Variants in ARHGAP27 observed in about 807,000 individuals in gnomAD.
The protein encoded by ARHGAP27 is Rho GTPase activating protein 27.
A neutral mutation model predicts 102.0 loss-of-function variants in ARHGAP27; 53 were observed. The observed-to-expected ratio is 0.52, with a 90% CI of 0.42 to 0.65. The LOEUF is 0.65. Among genes scored for constraint, ARHGAP27 ranks in the 30% least tolerant of loss-of-function variants. The pLI is 0.00. For missense variants in ARHGAP27, 1,117 were observed against 1,256.2 expected (o/e 0.89, Z 1.68); for synonymous variants, 525 against 542.8 (o/e 0.97, Z 0.46).
chr17:45,403,517 C>G (rs1235280350), intron 11 of ARHGAP27, 102 bp downstream of exon 11: 1 of 1,017,746 alleles, frequency 9.8e-7, no homozygotes, highest in African/African-American at 1.6e-5. Flanking sequence ...CACCACTACA[C>G]TCCAGCCTGG....
At chr17:45,421,936 CAG>C in intron 4 of ARHGAP27, among the ~76,000 whole-genome samples, 1 of 152,110 alleles carries the variant, frequency 6.6e-6, no homozygotes, top group Admixed American at 6.5e-5. Flanking sequence ...GAGGGTGAGG[CAG>C]GTGGATCACT....
chr17:45,405,166 G>A, intron 5 of ARHGAP27, 60 bp from the exon 6 acceptor site: 1 of 1,504,132 alleles, frequency 6.6e-7, no homozygotes, highest in South Asian at 1.3e-5. Context: ...TGCTGGCCCT[G>A]CCGTTTTGGA....
At chr17:45,429,219 C>G in intron 4 of ARHGAP27, 1 of 416,996 alleles carries the variant, frequency 2.4e-6, no homozygotes, top group South Asian at 4.0e-5. Context: ...ATGGGGCACA[C>G]ACCTGCAGTA....
rs760697658 is a variant in ARHGAP27 at position 45,395,621 on chromosome 17, G to T, written c.2505C>A (p.His835Gln). ...GCACCGACATGCGGTTCTGCTCGCC[G>T]TGCTCGATCACCCTGTGGCAGGGGT... ...LFQHLCRVIE[H>Q]GEQNRMSVQS... The change falls in exon 20 of 20, where the codon CAC (histidine) becomes CAA (glutamine). Residue 835 changes from histidine to glutamine, a missense_variant. Physicochemically the swap from His to Gln is conservative, Grantham distance 24 (BLOSUM62 0). Transcript: ENST00000685559. 5.6e-6 allele frequency: 9 copies of T among 1,605,516 alleles called. No homozygotes were observed. The East Asian group carries it at 2.0e-4, about 36-fold the overall frequency.
chr17:45,412,999 T>A (rs868319686), intron 4 of ARHGAP27, among the ~76,000 whole-genome samples: 2 of 121,076 alleles, frequency 1.7e-5, no homozygotes, highest in Admixed American at 8.7e-5. Flanking sequence ...TTTTTTTTTT[T>A]AATGGAGTCT....
In ARHGAP27 at chr17:45,397,931, G is replaced by T; in HGVS notation, c.1842+18C>A. The T allele has an allele frequency of 6.3e-7, 1 of 1,593,804 alleles. No homozygotes were observed. The highest frequency in any genetic ancestry group is 8.6e-7 in the Non-Finnish European group (1 of 1,165,706). ...CACCCCCTCCCCACTGCCCCTAGAG[G>T]CCCTGGGCTCTGCTTACCAGCTCCT... On this transcript the variant is annotated intron_variant, in intron 13 of 19. Transcript: ENST00000685559.
chr17:45,420,815 A>G (rs34792542), intron 4 of ARHGAP27, among the ~76,000 whole-genome samples: 21,071 of 151,622 alleles, frequency 0.14, 1,729 homozygotes, highest in Middle Eastern at 0.23. Flanking sequence ...TTAGCCGGGC[A>G]TGTTGGGGGG....
At chr17:45,431,106 C>A (rs2050034170) in intron 3 of ARHGAP27, among the ~76,000 whole-genome samples, 1 of 152,038 alleles carries the variant, frequency 6.6e-6, no homozygotes, top group Non-Finnish European at 1.5e-5. Context: ...GCCCTGTGAC[C>A]CCTACAGTGT....
At chr17:45,413,702 A>G (rs1026403979) in intron 4 of ARHGAP27, among the ~76,000 whole-genome samples, 1 of 147,182 alleles carries the variant, frequency 6.8e-6, no homozygotes, top group African/African-American at 2.5e-5. Flanking sequence ...CTGCTCCTCC[A>G]GGGCGGGGTG....
chr17:45,414,606 C>T (rs542886928), intron 4 of ARHGAP27, among the ~76,000 whole-genome samples: 12 of 136,308 alleles, frequency 8.8e-5, no homozygotes, highest in South Asian at 7.0e-4. Context: ...CCACCACGCC[C>T]GGCTAATTTT....
intron 12 of ARHGAP27, among the ~76,000 whole-genome samples, chr17:45,400,597 CAG>C (rs768370515): frequency 4.7e-4 from 71 of 152,262 alleles, no homozygotes; most frequent in Middle Eastern, 3.4e-3. Flanking sequence ...CCCTCAAAGT[CAG>C]GGGAGAAACA....
In ARHGAP27 at chr17:45,396,240, T is replaced by G. The variant is rs1441666462; in HGVS notation, c.2218A>C (p.Thr740Pro). 6.2e-7 allele frequency: 1 copy of G among 1,613,422 alleles called. No homozygotes were observed. Among genetic ancestry groups the G allele is most frequent in the Non-Finnish European group, 8.5e-7 (1 of 1,179,718 alleles). Reference sequence around the variant, plus strand: ...ACCTTATAGCGTAGCTTCTGGATGGTGGCCAGGTTTCCACTGATGCGGTAC... The same window carrying G: ...ACCTTATAGCGTAGCTTCTGGATGGGGGCCAGGTTTCCACTGATGCGGTAC... ...GLYRISGNLATIQKLRYKVDH... is the reference protein window; with the variant it reads ...GLYRISGNLAPIQKLRYKVDH... Residue 740 changes from threonine to proline, a missense_variant, in exon 17 of 20, where the codon ACC becomes CCC. Around this residue, in one of 3 missense-constraint regions of ARHGAP27, gnomAD observed 493 missense variants for 505.5 expected, o/e 0.98. Coordinates refer to ENST00000685559, the MANE Select transcript of ARHGAP27 (RefSeq NM_001282290.2).
chr17:45,407,132 TCCCTCACCGG>T (rs1264097399), intron 4 of ARHGAP27, among the ~76,000 whole-genome samples: 2 of 152,098 alleles, frequency 1.3e-5, no homozygotes, highest in Non-Finnish European at 2.9e-5. Flanking sequence ...CAAGAGACCG[TCCCTCACCGG>T]CCTGTGCTTC....
At chr17:45,429,330 A>G in intron 4 of ARHGAP27, 2 of 1,022,208 alleles carry the variant, frequency 2.0e-6, no homozygotes, top group Non-Finnish European at 2.6e-6. Flanking sequence ...TGCGATAAAT[A>G]AAGACCATCA....
rs1368233095 is a variant in ARHGAP27, at chr17:45,429,685, C to T, written c.595G>A (p.Glu199Lys). 12 of 1,570,976 alleles carry T rather than the reference C, an allele frequency of 7.6e-6. No individual in the cohort carries two copies. Among genetic ancestry groups the T allele is most frequent in the Non-Finnish European group, 1.0e-5 (12 of 1,158,038 alleles). Reference sequence around the variant, plus strand: ...TCCTGGATGACCTCGTAGACGTTCTCTGAGTCGCTGCGCGCCAGAGGCCGC... The same window carrying T: ...TCCTGGATGACCTCGTAGACGTTCTTTGAGTCGCTGCGCGCCAGAGGCCGC... The part of the protein sequence containing the change: ...CPRPLARSDS[E>K]NVYEVIQDLH... The change falls in exon 4 of 20, where the codon GAG (glutamate) becomes AAG (lysine). Residue 199 changes from glutamate (E) to lysine (K), a missense_variant. Coordinates refer to ENST00000685559, the MANE Select transcript of ARHGAP27 (RefSeq NM_001282290.2).
intron 4 of ARHGAP27, among the ~76,000 whole-genome samples, chr17:45,412,141 G>A (rs2047983673): frequency 6.6e-6 from 1 of 152,168 alleles, no homozygotes; most frequent in African/African-American, 2.4e-5. Context: ...CCCCATGATG[G>A]GGGTCTCCCA....
chr17:45,399,247 A>G (rs2046125712), intron 12 of ARHGAP27, among the ~76,000 whole-genome samples: 1 of 152,216 alleles, frequency 6.6e-6, no homozygotes, highest in Non-Finnish European at 1.5e-5. Context: ...GGATTGGACT[A>G]TCTTTGCTGT....
At chr17:45,420,826 C>T (rs1292765551) in intron 4 of ARHGAP27, among the ~76,000 whole-genome samples, 3 of 151,250 alleles carry the variant, frequency 2.0e-5, no homozygotes, top group Non-Finnish European at 4.4e-5. Context: ...TGTTGGGGGG[C>T]GCCTGTAGTC....
intron 4 of ARHGAP27, among the ~76,000 whole-genome samples, chr17:45,416,364 G>A (rs1240571674): frequency 1.3e-5 from 2 of 151,516 alleles, no homozygotes; most frequent in African/African-American, 4.8e-5. Context: ...TCATGCTGAA[G>A]TTTTTAGGGG....
Sources: allele counts gnomAD v4.1 joint callset (sites outside exome capture counted in the v4.1 genomes callset), GRCh38; gene constraint gnomAD v4.1.1; regional missense constraint gnomAD v4.1.1; transcripts MANE v1.5; gene names NCBI Gene and HGNC (gene_info 2026-07-23, HGNC 2026-07-21).